The following MTMR3 variants were observed in gnomAD, a reference collection of about 807,000 sequenced individuals.
MTMR3 encodes the protein myotubularin related protein 3, also known as phosphatidylinositol-3,5-bisphosphate 3-phosphatase MTMR3.
In MTMR3, 32 loss-of-function variants were observed where a neutral mutation model predicts 132.4. The ratio of observed to expected loss-of-function variants is 0.24; its 90% CI spans 0.18 to 0.32. MTMR3 has a LOEUF of 0.32. MTMR3 is among the 10% of genes least tolerant of loss of function. The pLI is 1.00. For missense variants in MTMR3, 1,216 were observed against 1,489.6 expected, an observed-to-expected ratio of 0.82 and a Z score of 3.02; for synonymous variants, 556 against 550.3, an observed-to-expected ratio of 1.01 and a Z score of -0.14.
At chr22:29,917,744 T>C (rs994387983) in intron 1 of MTMR3, among the ~76,000 whole-genome samples, 2 of 152,238 alleles carry the variant, frequency 1.3e-5, no homozygotes, top group African/African-American at 4.8e-5. Flanking sequence ...ATTGCCATCA[T>C]TGTTACTAGG....
At chr22:29,993,541 C>G (rs529716963) in intron 7 of MTMR3, 10 of 152,336 alleles carry the variant, frequency 6.6e-5, no homozygotes, top group African/African-American at 2.4e-4. Context: ...ACCCCTGACT[C>G]CAAGAGGTAT....
intron 1 of MTMR3, among the ~76,000 whole-genome samples, chr22:29,949,399 A>T (rs975286902): frequency 2.0e-5 from 3 of 150,834 alleles, no homozygotes; most frequent in Non-Finnish European, 4.4e-5. Flanking sequence ...AGGAGGCTGA[A>T]GCAGGAGAAT....
Position 30,022,630 on chromosome 22 carries a change from C to T in MTMR3, c.3358C>T (p.His1120Tyr). The change falls in exon 19 of 20, where the codon CAC becomes TAC. Residue 1120 changes from histidine to tyrosine, a missense_variant. Physicochemically the swap from His to Tyr is moderately conservative, Grantham distance 83. Transcript: ENST00000401950. ...GCAGATGACCCGTTGGCTTCCTGACCACCTGGCCGCCCACTGCTATGCGTG... is the reference window on the plus strand; with the variant it reads ...GCAGATGACCCGTTGGCTTCCTGACTACCTGGCCGCCCACTGCTATGCGTG... ...DTEMTRWLPD[H>Y]LAAHCYACDS... The T allele has an allele frequency of 6.2e-7, 1 of 1,613,034 alleles. No homozygotes were observed. Among genetic ancestry groups the T allele is most frequent in the Non-Finnish European group, 8.5e-7 (1 of 1,180,004 alleles).
chr22:29,934,619 A>G (rs1167424442), intron 1 of MTMR3, among the ~76,000 whole-genome samples: 1 of 152,198 alleles, frequency 6.6e-6, no homozygotes, highest in Non-Finnish European at 1.5e-5. Flanking sequence ...GAGACTTTGA[A>G]AAGATTCTAT....
intron 8 of MTMR3, 158 bp downstream of exon 8, chr22:29,999,015 C>G (rs1458868866): frequency 2.1e-6 from 1 of 485,424 alleles, no homozygotes. Flanking sequence ...ATTGAATCTT[C>G]TGTTCCCGTT....
At position 29,903,020 on chromosome 22, in the gene MTMR3, C is replaced by T. The variant is rs142811182; in HGVS notation, c.-138+19661C>T. Among the ~76,000 whole-genome samples the T allele has an allele frequency of 4.5e-3, 681 of 152,232 alleles. 6 individuals carry two copies. The highest frequency in any genetic ancestry group is 0.016 in the African/African-American group (644 of 41,542). ...GGCAGATCACTTGAGGTCAGGAGTT[C>T]GAGGCCACCGCCTAGGCAACATGGT... On this transcript the variant is annotated intron_variant, in intron 1 of 19. Transcript: ENST00000401950.
chr22:29,926,538 T>C (rs887381212), intron 1 of MTMR3, among the ~76,000 whole-genome samples: 2 of 152,342 alleles, frequency 1.3e-5, no homozygotes, highest in South Asian at 2.1e-4. Context: ...CTCCACATTC[T>C]TGATTACATT....
chr22:29,991,682 T>G lies in MTMR3; in HGVS notation c.460+12T>G. The G allele has an allele frequency of 6.3e-7, 1 of 1,574,984 alleles. No individual in the cohort carries two copies. Among genetic ancestry groups the G allele is most frequent in the Non-Finnish European group, 8.6e-7 (1 of 1,161,632 alleles). Reference sequence around the variant, plus strand: ...CCTGTGCAGACCAGGTACGCCTTTCTGAAATGTGCAAATGGCCAGGGGCTT... The same window carrying G: ...CCTGTGCAGACCAGGTACGCCTTTCGGAAATGTGCAAATGGCCAGGGGCTT... On this transcript the variant is annotated intron_variant, in intron 7 of 19. Transcript: ENST00000401950.
intron 4 of MTMR3, 53 bp from the exon 5 acceptor site, chr22:29,978,883 C>CTT: frequency 5.3e-5 from 59 of 1,110,066 alleles, no homozygotes; most frequent in Non-Finnish European, 6.8e-5. Context: ...ATGTTTGAAG[C>CTT]TTTTTTTTTT....
chr22:29,884,869 G>A (rs1266954257), intron 1 of MTMR3, among the ~76,000 whole-genome samples: 1 of 152,176 alleles, frequency 6.6e-6, no homozygotes, highest in African/African-American at 2.4e-5. Context: ...CAGCCAGAAT[G>A]ACACTGTTTT....
intron 1 of MTMR3, among the ~76,000 whole-genome samples, chr22:29,945,718 G>A (rs5997555): frequency 0.01 from 1,277 of 123,620 alleles, 3 homozygotes; most frequent in Middle Eastern, 0.017. Flanking sequence ...AAATGAAAAA[G>A]AAAAAAAAAA....
At position 30,022,652 on chromosome 22, in the gene MTMR3, C is replaced by A; in HGVS notation, c.3380C>A (p.Ala1127Glu). ...LPDHLAAHCY[A>E]CDSAFWLASR... ...GACCACCTGGCCGCCCACTGCTATG[C>A]GTGCGACAGTGCCTTCTGGCTTGCC... Residue 1127 changes from alanine (A) to glutamate (E), a missense_variant, in exon 19 of 20, where the codon GCG becomes GAG. Physicochemically the swap from Ala to Glu is moderately radical, Grantham distance 107. This residue lies in a region of MTMR3 where 852 missense variants were observed against 852.0 expected (regional missense o/e 1.00). Coordinates refer to ENST00000401950, the MANE Select transcript of MTMR3 (RefSeq NM_021090.4). 1 of 1,612,232 alleles carries A rather than the reference C, an allele frequency of 6.2e-7. No individual in the cohort carries two copies. The highest frequency in any genetic ancestry group is 8.5e-7 in the Non-Finnish European group (1 of 1,179,986).
In MTMR3 at chr22:29,894,503, CGTGT is replaced by C. The variant is rs144670905; in HGVS notation, c.-138+11175_-138+11178del. On this transcript the variant is annotated intron_variant, in intron 1 of 19. Coordinates refer to ENST00000401950, the MANE Select transcript of MTMR3 (RefSeq NM_021090.4). ...AGCCCGAACTCCCAAGTTCTGTATC[CGTGT>C]GTGTGTGTGTGTGTGTGTGTGTGTG... Among the ~76,000 whole-genome samples, 688 of 146,544 alleles carry C rather than the reference CGTGT, an allele frequency of 4.7e-3. 3 individuals are homozygous for C. Among genetic ancestry groups the C allele is most frequent in the East Asian group, 0.029 (143 of 5,006 alleles).
chr22:29,885,311 G>A (rs1202605266), intron 1 of MTMR3, among the ~76,000 whole-genome samples: 1 of 152,136 alleles, frequency 6.6e-6, no homozygotes, highest in East Asian at 1.9e-4. Context: ...TGACTTCTCA[G>A]GGTGCTTTTG....
chr22:30,023,700 G>T, intron 19 of MTMR3: 1 of 520,074 alleles, frequency 1.9e-6, no homozygotes, highest in Non-Finnish European at 3.3e-6. Flanking sequence ...CCTGATCACA[G>T]AGGTCAGCCA....
At chr22:29,909,719 C>T (rs941167640) in intron 1 of MTMR3, among the ~76,000 whole-genome samples, 5 of 152,272 alleles carry the variant, frequency 3.3e-5, no homozygotes, top group Admixed American at 6.5e-5. Flanking sequence ...GTATGTCTCT[C>T]AGCATATAAC....
At chr22:29,950,848 A>T (rs2066063606) in intron 1 of MTMR3, among the ~76,000 whole-genome samples, 2 of 137,254 alleles carry the variant, frequency 1.5e-5, no homozygotes, top group South Asian at 4.2e-4. Context: ...ATATCAGTAT[A>T]TCTGAGTTAA....
intron 1 of MTMR3, among the ~76,000 whole-genome samples, chr22:29,893,364 T>A (rs1162363674): frequency 6.6e-6 from 1 of 152,230 alleles, no homozygotes; most frequent in Non-Finnish European, 1.5e-5. Flanking sequence ...GTGGCAAGAC[T>A]GTATATTTGT....
At position 30,025,898 on chromosome 22, in the gene MTMR3, G is replaced by C. The variant is rs1601449221; in HGVS notation, c.*97G>C. 3.0e-6 allele frequency: 4 copies of C among 1,326,952 alleles called. No individual in the cohort carries two copies. The highest frequency in any genetic ancestry group is 2.9e-5 in the African/African-American group (2 of 69,084). The allele number at this position is 1,326,952 out of a possible 1,614,324, so 82.2% of individuals were successfully genotyped here. On this transcript the variant is annotated 3_prime_UTR_variant, in exon 20 of 20. Transcript: ENST00000401950. ...GAGAGGCCCGTGCACTTTGGAATGGGAGCGTGGAACCACCTGTACAGAGTG... is the reference window on the plus strand; with the variant it reads ...GAGAGGCCCGTGCACTTTGGAATGGCAGCGTGGAACCACCTGTACAGAGTG...
Sources: gnomAD v4.1 joint callset for allele counts (sites outside exome capture counted in the v4.1 genomes callset) on GRCh38, gnomAD v4.1.1 for gene constraint, gnomAD v4.1.1 regional missense constraint, MANE v1.5 for transcripts, NCBI Gene and HGNC (gene_info 2026-07-23, HGNC 2026-07-21) for gene names.